The following GRIP1 variants were observed in gnomAD, a reference collection of about 807,000 sequenced individuals.
GRIP1 encodes the protein glutamate receptor-interacting protein 1.
A neutral mutation model predicts 129.9 loss-of-function variants in GRIP1; 45 were observed. The observed-to-expected ratio is 0.35, with a 90% CI of 0.27 to 0.44. The LOEUF is 0.44. Ranked by LOEUF, GRIP1 falls within the 20% of genes least tolerant of loss-of-function variation. The pLI is 1.00. For synonymous variants in GRIP1, 530 were observed against 520.8 expected (o/e 1.02, Z -0.24); for missense variants, 1,196 against 1,396.8 (o/e 0.86, Z 2.29).
intron 7 of GRIP1, among the ~76,000 whole-genome samples, chr12:66,475,829 G>C (rs2059589750): frequency 6.6e-6 from 1 of 152,198 alleles, no homozygotes; most frequent in South Asian, 2.1e-4. Flanking sequence ...ATTTAAAGCA[G>C]TGTGTAGAGG....
At chr12:66,566,373 T>C (rs986321605) in intron 2 of GRIP1, among the ~76,000 whole-genome samples, 1 of 152,244 alleles carries the variant, frequency 6.6e-6, no homozygotes, top group Non-Finnish European at 1.5e-5. Context: ...TCTATTGAGA[T>C]AATCGTGTGG....
chr12:66,369,730 C>T (rs2055375112), intron 23 of GRIP1, among the ~76,000 whole-genome samples: 1 of 152,126 alleles, frequency 6.6e-6, no homozygotes, highest in Non-Finnish European at 1.5e-5. Flanking sequence ...AGGCAGTGTT[C>T]ACAGGTACCC....
chr12:66,450,551 A>AC (rs1307943840), intron 11 of GRIP1, among the ~76,000 whole-genome samples: 2 of 151,400 alleles, frequency 1.3e-5, no homozygotes, highest in African/African-American at 2.4e-5. Flanking sequence ...AGATGATAAA[A>AC]ATTATTAGAA....
intron 1 of GRIP1, among the ~76,000 whole-genome samples, chr12:66,812,808 T>A (rs926401365): frequency 2.0e-5 from 3 of 152,234 alleles, no homozygotes; most frequent in African/African-American, 4.8e-5. Flanking sequence ...TTTTGGTGTT[T>A]GACATACTTT....
chr12:66,578,433 G>A (rs1035840752), intron 2 of GRIP1, among the ~76,000 whole-genome samples: 69 of 151,408 alleles, frequency 4.6e-4, no homozygotes, highest in African/African-American at 1.4e-3. Flanking sequence ...CGCACCGTGC[G>A]CGAGCCAAAG....
chr12:66,668,052 G>C (rs2033889596), intron 1 of GRIP1, among the ~76,000 whole-genome samples: 2 of 152,026 alleles, frequency 1.3e-5, no homozygotes, highest in African/African-American at 2.4e-5. Flanking sequence ...CCTATTTTTA[G>C]AACTGCCCTT....
chr12:66,666,403 T>G (rs2033798481), intron 1 of GRIP1, among the ~76,000 whole-genome samples: 1 of 152,222 alleles, frequency 6.6e-6, no homozygotes. Flanking sequence ...TTTTACCTCT[T>G]GTCCAGCTTT....
In GRIP1 at chr12:66,679,071, T is replaced by A. The variant is rs1181734362; in HGVS notation, c.-167A>T. On this transcript the variant is annotated 5_prime_UTR_variant, in exon 1 of 25. Coordinates refer to ENST00000359742, the MANE Select transcript of GRIP1 (RefSeq NM_001366722.1). ...GGCTGATGCAGAGGTCCGCTACATGTCATCTGGCAAATCTGTGTCATTCAC... is the reference window on the plus strand; with the variant it reads ...GGCTGATGCAGAGGTCCGCTACATGACATCTGGCAAATCTGTGTCATTCAC... 1 of 1,514,594 alleles carries A rather than the reference T, an allele frequency of 6.6e-7. No individual in the cohort carries two copies. The highest frequency in any genetic ancestry group is 8.8e-7 in the Non-Finnish European group (1 of 1,131,524). The allele number at this position is 1,514,594 out of a possible 1,614,324, so 93.8% of individuals were successfully genotyped here.
chr12:66,846,631 T>C (rs1324268990), intron 1 of GRIP1, among the ~76,000 whole-genome samples: 1 of 152,228 alleles, frequency 6.6e-6, no homozygotes, highest in East Asian at 1.9e-4. Flanking sequence ...GTAGTGATAG[T>C]ATCACAGGTG....
intron 1 of GRIP1, among the ~76,000 whole-genome samples, chr12:66,922,376 A>G (rs570926632): frequency 6.6e-6 from 1 of 152,184 alleles, no homozygotes; most frequent in Non-Finnish European, 1.5e-5. Flanking sequence ...GTCATCTTAA[A>G]GAGAAATCAG....
At chr12:66,687,793 A>G (rs2034837021) in intron 1 of GRIP1, among the ~76,000 whole-genome samples, 1 of 152,108 alleles carries the variant, frequency 6.6e-6, no homozygotes, top group Non-Finnish European at 1.5e-5. Context: ...GCACTCCCCT[A>G]CGTCTACCCC....
chr12:66,959,602 C>G (rs1018792253), intron 1 of GRIP1, among the ~76,000 whole-genome samples: 7 of 152,004 alleles, frequency 4.6e-5, no homozygotes, highest in Non-Finnish European at 8.8e-5. Flanking sequence ...TATCTTGATA[C>G]ATTGTAAAGA....
chr12:66,753,079 T>C (rs910305109), intron 1 of GRIP1, among the ~76,000 whole-genome samples: 3 of 152,212 alleles, frequency 2.0e-5, no homozygotes, highest in South Asian at 2.1e-4. Context: ...TACCCACCAA[T>C]GCTGTGTATT....
At chr12:66,701,187 C>G (rs554936006) in intron 1 of GRIP1, among the ~76,000 whole-genome samples, 19 of 152,266 alleles carry the variant, frequency 1.2e-4, no homozygotes, top group African/African-American at 4.6e-4. Flanking sequence ...CTACTTTCCC[C>G]TATCACTTGA....
chr12:66,651,088 A>T (rs1167838011), intron 1 of GRIP1, among the ~76,000 whole-genome samples: 2 of 152,206 alleles, frequency 1.3e-5, no homozygotes, highest in Non-Finnish European at 2.9e-5. Context: ...ATGATGTGCT[A>T]GCTCCTCCTA....
At chr12:66,385,400 G>A (rs943825145) in intron 19 of GRIP1, among the ~76,000 whole-genome samples, 1 of 151,878 alleles carries the variant, frequency 6.6e-6, no homozygotes, top group African/African-American at 2.4e-5. Flanking sequence ...GCTGGGCGTG[G>A]TGGTGGGCAC....
At chr12:66,708,312 A>G (rs1222701989) in intron 1 of GRIP1, among the ~76,000 whole-genome samples, 2 of 151,976 alleles carry the variant, frequency 1.3e-5, no homozygotes, top group Non-Finnish European at 2.9e-5. Flanking sequence ...TACAGGTAAT[A>G]AAAACTTAAA....
At chr12:66,638,887 T>C (rs1390788552) in intron 1 of GRIP1, among the ~76,000 whole-genome samples, 1 of 152,206 alleles carries the variant, frequency 6.6e-6, no homozygotes, top group Non-Finnish European at 1.5e-5. Flanking sequence ...CCAGGGACAA[T>C]ACTCAACAGC....
rs144182550 is a variant in GRIP1, at chr12:66,931,898, A to G, written c.58+137152T>C. The stretch of plus-strand genomic sequence containing the variant: ...ATGGCCCCAATATTGGCTATGGGTT[A>G]TGTGCCAATTTTTGAAGGCTTCTTA... On this transcript the variant is annotated intron_variant, in intron 1 of 1. Coordinates refer to the GRIP1 transcript ENST00000643019. 3.3e-3 allele frequency among the ~76,000 whole-genome samples: 509 copies of G among 152,262 alleles called. 3 individuals carry two copies. The highest frequency in any genetic ancestry group is 0.011 in the African/African-American group (464 of 41,550).
Sources: gnomAD v4.1 joint callset for allele counts (sites outside exome capture counted in the v4.1 genomes callset) on GRCh38, gnomAD v4.1.1 for gene constraint, MANE v1.5 for transcripts, NCBI Gene and HGNC (gene_info 2026-07-23, HGNC 2026-07-21) for gene names.